The following LRRC4C variants were observed in gnomAD, a reference collection of about 807,000 sequenced individuals.
LRRC4C encodes leucine rich repeat containing 4C.
In LRRC4C, 5 loss-of-function variants were observed where a neutral mutation model predicts 33.6. That is an observed-to-expected ratio of 0.15 (90% CI 0.08 to 0.31). The LOEUF (loss-of-function observed/expected upper bound fraction) is 0.31. Among genes scored for constraint, LRRC4C ranks in the 10% least tolerant of loss-of-function variants. The probability of loss-of-function intolerance (pLI) is 1.00; values close to 1 mark genes in which losing one functional copy is unlikely to be tolerated. For synonymous variants in LRRC4C, 329 were observed against 302.0 expected (o/e 1.09, Z -0.93); for missense variants, 560 against 796.7 (o/e 0.70, Z 3.58).
intron 1 of LRRC4C, among the ~76,000 whole-genome samples, chr11:41,052,612 G>GA (rs143096792): frequency 0.027 from 4,054 of 151,748 alleles, 208 homozygotes; most frequent in African/African-American, 0.094. Flanking sequence ...ATTTATTATA[G>GA]AAAAAAATCT....
At chr11:41,023,678 T>C (rs1482446542) in intron 1 of LRRC4C, among the ~76,000 whole-genome samples, 1 of 151,752 alleles carries the variant, frequency 6.6e-6, no homozygotes, top group Non-Finnish European at 1.5e-5. Flanking sequence ...TCAGATTGCG[T>C]GTTACAAATC....
intron 2 of LRRC4C, among the ~76,000 whole-genome samples, chr11:40,688,221 C>T (rs1945053207): frequency 6.6e-6 from 1 of 152,036 alleles, no homozygotes; most frequent in African/African-American, 2.4e-5. Flanking sequence ...CAGAGCTGCC[C>T]AGACAGCAGT....
intron 1 of LRRC4C, among the ~76,000 whole-genome samples, chr11:40,984,288 GGA>G (rs371857938): frequency 7.5e-4 from 98 of 130,916 alleles, no homozygotes; most frequent in African/African-American, 2.3e-3. Context: ...AGGGAGAGAG[GGA>G]GAGAGAGAGA....
chr11:40,570,619 T>A (rs1342765551), intron 3 of LRRC4C, among the ~76,000 whole-genome samples: 1 of 152,202 alleles, frequency 6.6e-6, no homozygotes, highest in Non-Finnish European at 1.5e-5. Flanking sequence ...ATTATGGTAT[T>A]CATTCAGGAT....
At chr11:41,124,749 C>G (rs1223970651) in intron 1 of LRRC4C, among the ~76,000 whole-genome samples, 1 of 152,054 alleles carries the variant, frequency 6.6e-6, no homozygotes, top group African/African-American at 2.4e-5. Context: ...TGACAATTTT[C>G]AAGAATATGG....
At chr11:41,290,033 T>C (rs1455593907) in intron 1 of LRRC4C, among the ~76,000 whole-genome samples, 1 of 152,200 alleles carries the variant, frequency 6.6e-6, no homozygotes, top group East Asian at 1.9e-4. Flanking sequence ...TAGTAGTAGG[T>C]GTCTAGTGAT....
At chr11:40,674,542 C>A (rs1247028560) in intron 2 of LRRC4C, among the ~76,000 whole-genome samples, 1 of 152,102 alleles carries the variant, frequency 6.6e-6, no homozygotes, top group East Asian at 1.9e-4. Context: ...TGGTAAGCAT[C>A]AGTTTGTATC....
In LRRC4C at chr11:41,097,720, T is replaced by A. The variant is rs191033952; in HGVS notation, c.-495-163997A>T. ...AAACATCAGAGATTTATATATTTATTATGGTACTTTTCTTGAGGATGGTAA... is the reference window on the plus strand; with the variant it reads ...AAACATCAGAGATTTATATATTTATAATGGTACTTTTCTTGAGGATGGTAA... On this transcript the variant is annotated intron_variant, in intron 1 of 6. Coordinates refer to ENST00000528697, the MANE Select transcript of LRRC4C (RefSeq NM_001258419.2). Among the ~76,000 whole-genome samples the A allele has an allele frequency of 2.3e-4, 35 of 152,288 alleles. 1 individual carries two copies. In the East Asian group the frequency reaches 5.6e-3, roughly 24 times the overall value.
chr11:40,184,610 T>C (rs1457787988), intron 5 of LRRC4C, among the ~76,000 whole-genome samples: 1 of 152,176 alleles, frequency 6.6e-6, no homozygotes, highest in Non-Finnish European at 1.5e-5. Context: ...GTACTCCGAG[T>C]GGCGAAGTCT....
At chr11:40,572,568 A>C (rs1043326316) in intron 3 of LRRC4C, among the ~76,000 whole-genome samples, 1 of 152,222 alleles carries the variant, frequency 6.6e-6, no homozygotes, top group Non-Finnish European at 1.5e-5. Context: ...GGACAGACCT[A>C]GTCATAATAC....
rs183622073 is a variant in LRRC4C at position 40,888,768 on chromosome 11, T to C, written c.-407+44867A>G. Reference sequence around the variant, plus strand: ...ATGAAATATCTTCTCTTCAAATATGTCCGAGATCTTTGAAGGTTCTCATGT... The same window carrying C: ...ATGAAATATCTTCTCTTCAAATATGCCCGAGATCTTTGAAGGTTCTCATGT... On this transcript the variant is annotated intron_variant, in intron 2 of 6. Coordinates refer to ENST00000528697, the MANE Select transcript of LRRC4C (RefSeq NM_001258419.2). Among the ~76,000 whole-genome samples the C allele has an allele frequency of 1.8e-3, 275 of 152,102 alleles. 1 individual carries two copies. Among genetic ancestry groups the C allele is most frequent in the African/African-American group, 6.3e-3 (260 of 41,572 alleles).
intron 1 of LRRC4C, among the ~76,000 whole-genome samples, chr11:41,324,228 C>T (rs1951040507): frequency 6.6e-6 from 1 of 152,082 alleles, no homozygotes; most frequent in Admixed American, 6.5e-5. Context: ...GTCAGGAGTT[C>T]AAGACCAGCC....
At chr11:41,195,981 A>G (rs529156594) in intron 1 of LRRC4C, among the ~76,000 whole-genome samples, 1 of 152,254 alleles carries the variant, frequency 6.6e-6, no homozygotes, top group Admixed American at 6.5e-5. Flanking sequence ...GAAAACAACC[A>G]TTGATGAGAC....
chr11:40,937,181 T>G (rs1957941128), intron 1 of LRRC4C, among the ~76,000 whole-genome samples: 1 of 152,158 alleles, frequency 6.6e-6, no homozygotes, highest in Admixed American at 6.6e-5. Flanking sequence ...GGATGCAGTT[T>G]GAGGCCATAA....
intron 3 of LRRC4C, among the ~76,000 whole-genome samples, chr11:40,504,258 A>G (rs1455974276): frequency 6.6e-6 from 1 of 152,192 alleles, no homozygotes; most frequent in African/African-American, 2.4e-5. Flanking sequence ...AGCTGAATGA[A>G]AGAATATAAC....
chr11:40,824,510 T>C (rs1424899525), intron 2 of LRRC4C, among the ~76,000 whole-genome samples: 2 of 151,916 alleles, frequency 1.3e-5, no homozygotes, highest in Non-Finnish European at 2.9e-5. Flanking sequence ...AATCTCTGGA[T>C]TCACGTTTCC....
At chr11:41,356,743 G>C (rs1010557065) in intron 1 of LRRC4C, among the ~76,000 whole-genome samples, 17 of 152,064 alleles carry the variant, frequency 1.1e-4, no homozygotes, top group African/African-American at 4.1e-4. Flanking sequence ...TTGTCTGAAT[G>C]TTGCATATTA....
chr11:40,286,129 T>C (rs1235629575), intron 4 of LRRC4C, among the ~76,000 whole-genome samples: 1 of 152,184 alleles, frequency 6.6e-6, no homozygotes, highest in African/African-American at 2.4e-5. Flanking sequence ...AAAACACTGA[T>C]AGTACCAAAC....
At chr11:41,340,859 A>G (rs963906801) in intron 1 of LRRC4C, among the ~76,000 whole-genome samples, 18 of 152,134 alleles carry the variant, frequency 1.2e-4, no homozygotes, top group African/African-American at 4.1e-4. Context: ...TGATTCTAAA[A>G]CCTATTTCAA....
Sources: allele counts gnomAD v4.1 joint callset (sites outside exome capture counted in the v4.1 genomes callset), GRCh38; gene constraint gnomAD v4.1.1; transcripts MANE v1.5; gene names NCBI Gene and HGNC (gene_info 2026-07-23, HGNC 2026-07-21).